GRM2: variants seen among roughly 807,000 people sequenced by gnomAD.
GRM2 encodes the protein metabotropic glutamate receptor 2.
GRM2 carries 35 observed loss-of-function variants against 60.4 expected under a neutral mutation model. That is an observed-to-expected ratio of 0.58 (90% CI 0.44 to 0.77). The LOEUF is 0.77. GRM2 is among the 30% of genes least tolerant of loss of function. GRM2 has a pLI of 0.00. For synonymous variants in GRM2, 437 were observed against 484.1 expected, an observed-to-expected ratio of 0.90 and a Z score of 1.28; for missense variants, 925 against 1,199.5, an observed-to-expected ratio of 0.77 and a Z score of 3.38.
intron 1 of GRM2, 117 bp from the exon 2 acceptor site, chr3:51,708,731 T>A: frequency 2.1e-6 from 1 of 465,306 alleles, no homozygotes. Context: ...ATCCTGTCCC[T>A]CCCTGGCTTT....
At position 51,718,006 on chromosome 3, in the gene GRM2, G is replaced by C; in HGVS notation, c.2546-33G>C. On this transcript the variant is annotated intron_variant, in intron 5 of 5. Coordinates refer to ENST00000395052, the MANE Select transcript of GRM2 (RefSeq NM_000839.5). This position sits in a 1 kb window ranked among gnomAD's most constrained non-coding sequence, Gnocchi z 4.2. The stretch of plus-strand genomic sequence containing the variant: ...GCCTGCCCTCCATGGAGGACCTCGG[G>C]ATTGGCCCCAACCTCTGGCTTCCTT... 6.2e-7 allele frequency: 1 copy of C among 1,604,002 alleles called. No homozygotes were observed. Among genetic ancestry groups the C allele is most frequent in the Non-Finnish European group, 8.5e-7 (1 of 1,170,704 alleles).
intron 3 of GRM2, 105 bp from the exon 4 acceptor site, chr3:51,714,954 ATGG>A (rs1276185504): frequency 3.1e-6 from 2 of 643,240 alleles, no homozygotes; most frequent in South Asian, 4.3e-5. Context: ...GGAAGGGCTA[ATGG>A]TGGTCTTAGC....
intron 2 of GRM2, among the ~76,000 whole-genome samples, chr3:51,709,894 G>A (rs1183024740): frequency 1.1e-4 from 3 of 26,364 alleles, no homozygotes; most frequent in African/African-American, 2.5e-4. Flanking sequence ...GGGCTTAATA[G>A]TCAGGTCTCC....
Position 51,712,970 on chromosome 3 carries a change from C to T in GRM2, c.948C>T (p.Thr316=). ...GSEGAAEGAI[T]IELASYPISD... is the part of the protein sequence containing the mutation. ...AGGGGGCTGCTGAGGGTGCTATCAC[C>T]ATCGAGCTGGCCTCCTACCCCATCA... Residue 316 remains threonine (T), a synonymous_variant, in exon 3 of 6, where the codon ACC becomes ACT. Transcript: ENST00000395052. This position sits in a 1 kb window ranked among gnomAD's most constrained non-coding sequence, Gnocchi z 5.3. The T allele has an allele frequency of 1.2e-6, 2 of 1,613,212 alleles. No individual in the cohort carries two copies. The highest frequency in any genetic ancestry group is 1.1e-5 in the South Asian group (1 of 91,088).
In GRM2 at chr3:51,709,040, G is replaced by T; in HGVS notation, c.57G>T (p.Glu19Asp). The T allele has an allele frequency of 6.2e-7, 1 of 1,601,506 alleles. No individual in the cohort carries two copies. Among genetic ancestry groups the T allele is most frequent in the Non-Finnish European group, 8.5e-7 (1 of 1,170,498 alleles). ...ALLLLWGAVAEGPAKKVLTLE... is the reference protein window; with the variant it reads ...ALLLLWGAVADGPAKKVLTLE... ...TGCTGCTGTGGGGTGCTGTGGCTGA[G>T]GGCCCAGCCAAGAAGGTGCTGACCC... Residue 19 changes from glutamate (E) to aspartate (D), a missense_variant, in exon 2 of 6, where the codon GAG (glutamate) becomes GAT (aspartate). Glu to Asp is a conservative substitution (Grantham distance 45). Transcript: ENST00000395052.
intron 3 of GRM2, chr3:51,714,132 T>C (rs1189312050): frequency 3.0e-6 from 1 of 337,062 alleles, no homozygotes. Context: ...GTACTTCCAA[T>C]AGAACTGACA....
rs1177196948 is a variant in GRM2 at position 51,712,665 on chromosome 3, G to T, written c.643G>T (p.Asp215Tyr). The T allele has an allele frequency of 1.2e-6, 2 of 1,614,102 alleles. No individual in the cohort carries two copies. Among genetic ancestry groups the T allele is most frequent in the Non-Finnish European group, 1.7e-6 (2 of 1,180,034 alleles). ...TGTGTCCACTGTGGCGTCTGAGGGCGACTATGGCGAGACAGGCATTGAGGC... is the reference window on the plus strand; with the variant it reads ...TGTGTCCACTGTGGCGTCTGAGGGCTACTATGGCGAGACAGGCATTGAGGC... ...TYVSTVASEG[D>Y]YGETGIEAFE... is the part of the protein sequence containing the mutation. Residue 215 changes from aspartate (D) to tyrosine (Y), a missense_variant, in exon 3 of 6, where the codon GAC becomes TAC. Coordinates refer to ENST00000395052, the MANE Select transcript of GRM2 (RefSeq NM_000839.5). The surrounding 1 kb of genome is among the most constrained non-coding windows in gnomAD (Gnocchi z 5.3).
intron 2 of GRM2, among the ~76,000 whole-genome samples, chr3:51,711,095 G>T (rs967508523): frequency 6.6e-6 from 1 of 152,230 alleles, no homozygotes; most frequent in Non-Finnish European, 1.5e-5. Flanking sequence ...CTACCGGCCT[G>T]AAGTCGGGGA....
Position 51,717,554 on chromosome 3 carries a change from C to G in GRM2, c.2365-83C>G. ...TGTTGGATGCTTAGTCTCCCCCACT[C>G]CCTCCCCCACAGATCAGGCAGGGGG... On this transcript the variant is annotated intron_variant, in intron 4 of 5. Coordinates refer to ENST00000395052, the MANE Select transcript of GRM2 (RefSeq NM_000839.5). This position sits in a 1 kb window ranked among gnomAD's most constrained non-coding sequence, Gnocchi z 6.0. 1 of 1,100,828 alleles carries G rather than the reference C, an allele frequency of 9.1e-7. No homozygotes were observed. Among genetic ancestry groups the G allele is most frequent in the Non-Finnish European group, 1.3e-6 (1 of 744,458 alleles). The allele number at this position is 1,100,828 out of a possible 1,614,324, so 68.2% of individuals were successfully genotyped here.
Position 51,709,064 on chromosome 3 carries a change from C to T in GRM2, c.81C>T (p.Thr27=). Residue 27 remains threonine, a synonymous_variant, in exon 2 of 6, where the codon ACC becomes ACT. Coordinates refer to ENST00000395052, the MANE Select transcript of GRM2 (RefSeq NM_000839.5). ...AGGGCCCAGCCAAGAAGGTGCTGAC[C>T]CTGGAGGGAGACTTGGTGCTGGGTG... ...VAEGPAKKVL[T]LEGDLVLGGL... The T allele has an allele frequency of 6.2e-7, 1 of 1,607,740 alleles. No individual in the cohort carries two copies. The highest frequency in any genetic ancestry group is 1.3e-5 in the African/African-American group (1 of 74,936).
chr3:51,709,514 T>C (rs1703616792), intron 2 of GRM2, 81 bp downstream of exon 2: 3 of 969,766 alleles, frequency 3.1e-6, no homozygotes. Flanking sequence ...AAGGGGCTCA[T>C]GGGCTGCTGT....
intron 2 of GRM2, among the ~76,000 whole-genome samples, chr3:51,710,767 C>A (rs1703685524): frequency 6.6e-6 from 1 of 152,242 alleles, no homozygotes; most frequent in African/African-American, 2.4e-5. Flanking sequence ...GGCTCAGCTT[C>A]AGCAGAGGCT....
Position 51,718,228 on chromosome 3 carries a change from C to A in GRM2, c.*116C>A. 2 of 878,216 alleles carry A rather than the reference C, an allele frequency of 2.3e-6. No homozygotes were observed. Among genetic ancestry groups the A allele is most frequent in the South Asian group, 1.4e-5 (1 of 73,944 alleles). 54.4% of individuals were successfully genotyped at this position (878,216 alleles called of 1,614,324 possible). On this transcript the variant is annotated 3_prime_UTR_variant, in exon 6 of 6. Transcript: ENST00000395052. This position sits in a 1 kb window ranked among gnomAD's most constrained non-coding sequence, Gnocchi z 4.2. ...CAATAATTTATTACCCACCCTATGT[C>A]TGCCCCCAAAGTCACTTACCCACCT...
At chr3:51,714,193 C>T (rs112497859) in intron 3 of GRM2, 5 of 220,632 alleles carry the variant, frequency 2.3e-5, no homozygotes, top group South Asian at 1.1e-4. Flanking sequence ...ATCTGGGGTC[C>T]GATTTGGTTG....
chr3:51,717,555 C>G lies in GRM2; in HGVS notation c.2365-82C>G. 9.0e-7 allele frequency: 1 copy of G among 1,116,002 alleles called. No individual in the cohort carries two copies. Among genetic ancestry groups the G allele is most frequent in the East Asian group, 2.4e-5 (1 of 42,022 alleles). 69.1% of individuals were successfully genotyped at this position (1,116,002 alleles called of 1,614,324 possible). ...GTTGGATGCTTAGTCTCCCCCACTC[C>G]CTCCCCCACAGATCAGGCAGGGGGT... On this transcript the variant is annotated intron_variant, in intron 4 of 5. Transcript: ENST00000395052. The surrounding 1 kb of genome is among the most constrained non-coding windows in gnomAD (Gnocchi z 6.0).
At position 51,713,976 on chromosome 3, in the gene GRM2, T is replaced by A. The variant is rs1309506293; in HGVS notation, c.1288+666T>A. 1 of 454,728 alleles carries A rather than the reference T, an allele frequency of 2.2e-6. No homozygotes were observed. Among genetic ancestry groups the A allele is most frequent in the East Asian group, 7.0e-5 (1 of 14,286 alleles). 28.2% of individuals were successfully genotyped at this position (454,728 alleles called of 1,614,324 possible). ...TTTTCCACTCAAGGTGACCTGAAAG[T>A]CTCCTGAAATCAAAAGTTATTTTAA... On this transcript the variant is annotated intron_variant, in intron 3 of 5. Transcript: ENST00000395052. This position sits in a 1 kb window ranked among gnomAD's most constrained non-coding sequence, Gnocchi z 4.8.
intron 2 of GRM2, chr3:51,711,594 A>G (rs1198800103): frequency 3.9e-5 from 6 of 152,308 alleles, no homozygotes; most frequent in African/African-American, 9.7e-5. Flanking sequence ...CCATGTCCCT[A>G]TCATCTTCCC....
In GRM2 at chr3:51,713,372, C is replaced by G; in HGVS notation, c.1288+62C>G. On this transcript the variant is annotated intron_variant, in intron 3 of 5. Coordinates refer to ENST00000395052, the MANE Select transcript of GRM2 (RefSeq NM_000839.5). The surrounding 1 kb of genome is among the most constrained non-coding windows in gnomAD (Gnocchi z 4.8). Reference sequence around the variant, plus strand: ...TGTCAGAGGATGAGGGGAAGCAGAACTTCAGCTTCCATTCCTTTGCTAAGG... The same window carrying G: ...TGTCAGAGGATGAGGGGAAGCAGAAGTTCAGCTTCCATTCCTTTGCTAAGG... 4 of 1,114,230 alleles carry G rather than the reference C, an allele frequency of 3.6e-6. No individual in the cohort carries two copies. Among genetic ancestry groups the G allele is most frequent in the Non-Finnish European group, 5.2e-6 (4 of 769,058 alleles). 69.0% of individuals were successfully genotyped at this position (1,114,230 alleles called of 1,614,324 possible).
intron 2 of GRM2, among the ~76,000 whole-genome samples, chr3:51,710,494 T>C (rs1703674422): frequency 6.6e-6 from 1 of 152,144 alleles, no homozygotes; most frequent in Non-Finnish European, 1.5e-5. Context: ...AACTGTGAAA[T>C]CGGCTCTCGG....
Sources: gnomAD v4.1 joint callset for allele counts (sites outside exome capture counted in the v4.1 genomes callset) on GRCh38, gnomAD v4.1.1 for gene constraint, Gnocchi (gnomAD v3.1) non-coding constraint, MANE v1.5 for transcripts, NCBI Gene and HGNC (gene_info 2026-07-23, HGNC 2026-07-21) for gene names.